The following MECOM variants were observed in gnomAD, a reference collection of about 807,000 sequenced individuals.
The protein encoded by MECOM is MDS1 and EVI1 complex locus.
Under a neutral mutation model 116.3 loss-of-function variants are expected in MECOM, and 13 were observed. The ratio of observed to expected loss-of-function variants is 0.11; its 90% CI spans 0.07 to 0.18. The LOEUF is 0.18. Ranked by LOEUF, MECOM falls within the 10% of genes least tolerant of loss-of-function variation. The pLI is 1.00. For synonymous variants in MECOM, 528 were observed against 535.2 expected (o/e 0.99, Z 0.19); for missense variants, 1,299 against 1,509.0 (o/e 0.86, Z 2.31).
At chr3:169,640,097 A>C (rs1475001319) in intron 1 of MECOM, among the ~76,000 whole-genome samples, 1 of 152,212 alleles carries the variant, frequency 6.6e-6, no homozygotes, top group Non-Finnish European at 1.5e-5. Context: ...AGTCACAGAG[A>C]TAATTCTTTA....
intron 8 of MECOM, among the ~76,000 whole-genome samples, 180 bp from the exon 9 acceptor site, chr3:169,113,054 T>C (rs894514203): frequency 3.9e-5 from 6 of 152,070 alleles, no homozygotes; most frequent in South Asian, 2.1e-4. Flanking sequence ...TTCTAGGTGC[T>C]TAAGAAGAAA....
intron 1 of MECOM, among the ~76,000 whole-genome samples, chr3:169,571,835 A>C (rs1267894501): frequency 6.6e-6 from 1 of 152,228 alleles, no homozygotes; most frequent in Non-Finnish European, 1.5e-5. Flanking sequence ...ATACAAAATT[A>C]ACTAAAGATG....
chr3:169,409,956 A>G (rs1737282250), intron 1 of MECOM, among the ~76,000 whole-genome samples: 1 of 152,230 alleles, frequency 6.6e-6, no homozygotes, highest in African/African-American at 2.4e-5. Flanking sequence ...GGATATAGAC[A>G]AATTCAGATA....
chr3:169,107,827 G>T, intron 10 of MECOM, 99 bp downstream of exon 10: 1 of 914,220 alleles, frequency 1.1e-6, no homozygotes, highest in Non-Finnish European at 1.7e-6. Flanking sequence ...AATGGAAAGG[G>T]GTTCAGAATT....
chr3:169,498,644 G>A (rs567119122), intron 1 of MECOM, among the ~76,000 whole-genome samples: 4 of 152,284 alleles, frequency 2.6e-5, no homozygotes, highest in Non-Finnish European at 5.9e-5. Context: ...GGCAACTGCT[G>A]AATTACCATA....
rs1193532306 is a variant in MECOM at position 169,131,449 on chromosome 3, G to A, written c.593C>T (p.Thr198Ile). 6.2e-7 allele frequency: 1 copy of A among 1,613,950 alleles called. No individual in the cohort carries two copies. Among genetic ancestry groups the A allele is most frequent in the East Asian group, 2.2e-5 (1 of 44,892 alleles). ...FMKSEDYPHE[T>I]MAPDIHEERQ... ...CTAACCGTGGATATCCGGCGCCATA[G>A]TTTCATGGGGATAGTCTTCGCTCTT... Residue 198 changes from threonine (T) to isoleucine (I), a missense_variant, in exon 4 of 17, where the codon ACT becomes ATT. Thr to Ile is a moderately conservative substitution (Grantham distance 89, BLOSUM62 -1). Transcript: ENST00000651503.
At chr3:169,430,593 A>C (rs1364090705) in intron 1 of MECOM, among the ~76,000 whole-genome samples, 1 of 152,162 alleles carries the variant, frequency 6.6e-6, no homozygotes, top group African/African-American at 2.4e-5. Context: ...TAAGGAGAAA[A>C]AGGCCTCCCG....
At chr3:169,172,407 ATGTGTGTGTGTGTGTGTGTGTG>A in intron 2 of MECOM, among the ~76,000 whole-genome samples, 1 of 144,470 alleles carries the variant, frequency 6.9e-6, no homozygotes, top group Non-Finnish European at 1.5e-5. Flanking sequence ...GTACCCTTGT[ATGTGTGTGTGTGTGTGTGTGTG>A]TGTGTGTGTG....
chr3:169,110,936 T>C (rs1038596484), intron 9 of MECOM, among the ~76,000 whole-genome samples: 1 of 152,178 alleles, frequency 6.6e-6, no homozygotes, highest in Admixed American at 6.5e-5. Context: ...GCCTCATCTT[T>C]TGTGATCCTT....
At chr3:169,576,217 T>A (rs187702132) in intron 1 of MECOM, among the ~76,000 whole-genome samples, 2 of 152,168 alleles carry the variant, frequency 1.3e-5, no homozygotes, top group African/African-American at 4.8e-5. Flanking sequence ...TAAAACAGTA[T>A]GTCATTCCTT....
chr3:169,439,998 T>A (rs968561175), intron 1 of MECOM, among the ~76,000 whole-genome samples: 1 of 151,818 alleles, frequency 6.6e-6, no homozygotes, highest in African/African-American at 2.4e-5. Context: ...ACATAAGCAA[T>A]AAAACCATTT....
At chr3:169,340,842 T>A (rs76497660) in intron 2 of MECOM, among the ~76,000 whole-genome samples, 2,682 of 152,298 alleles carry the variant, frequency 0.018, 63 homozygotes, top group East Asian at 0.1. Flanking sequence ...GTATTCTTCA[T>A]AATCATAAAA....
At chr3:169,371,745 T>C (rs1177809542) in intron 2 of MECOM, among the ~76,000 whole-genome samples, 1 of 151,978 alleles carries the variant, frequency 6.6e-6, no homozygotes, top group African/African-American at 2.4e-5. Flanking sequence ...CTCAAATTAT[T>C]TCATTCTTCT....
chr3:169,436,783 A>C (rs1265824966), intron 1 of MECOM, among the ~76,000 whole-genome samples: 1 of 152,182 alleles, frequency 6.6e-6, no homozygotes, highest in Non-Finnish European at 1.5e-5. Flanking sequence ...ATTGAAAAAC[A>C]AATATGACTC....
intron 1 of MECOM, among the ~76,000 whole-genome samples, chr3:169,442,186 A>G (rs1172440971): frequency 6.6e-6 from 1 of 151,994 alleles, no homozygotes; most frequent in African/African-American, 2.4e-5. Flanking sequence ...TCAGCCTCCA[A>G]AAGTGCTGGG....
chr3:169,210,253 A>G (rs982048532), intron 2 of MECOM, among the ~76,000 whole-genome samples: 4 of 152,134 alleles, frequency 2.6e-5, no homozygotes, highest in African/African-American at 4.8e-5. Context: ...AACCTAGATG[A>G]TGGGTTGATA....
Position 169,085,004 on chromosome 3 carries a change from G to A in MECOM, c.3625C>T (p.Leu1209Phe), listed in dbSNP as rs1175369028. Residue 1209 changes from leucine to phenylalanine, a missense_variant, in exon 17 of 17, where the codon CTC becomes TTC. Physicochemically the swap from Leu to Phe is conservative, Grantham distance 22 (BLOSUM62 0). Transcript: ENST00000651503. ...GAAGAACTGTGGGATGTAGAATGGAGGGACTCCTTGTCAGACAGTGACAGC... is the reference window on the plus strand; with the variant it reads ...GAAGAACTGTGGGATGTAGAATGGAAGGACTCCTTGTCAGACAGTGACAGC... ...MMLSLSDKES[L>F]HSTSHSSSNV... 7 of 1,614,024 alleles carry A rather than the reference G, an allele frequency of 4.3e-6. No homozygotes were observed. The African/African-American group carries it at 9.3e-5, about 22-fold the overall frequency.
intron 1 of MECOM, among the ~76,000 whole-genome samples, chr3:169,425,199 T>C (rs1446522263): frequency 1.3e-5 from 2 of 151,904 alleles, no homozygotes; most frequent in Admixed American, 1.3e-4. Flanking sequence ...CAGAGGACCT[T>C]GGAGCACTTT....
At position 169,246,527 on chromosome 3, in the gene MECOM, CTT is replaced by C. The variant is rs11454849; in HGVS notation, c.376-102697_376-102696del. Reference sequence around the variant, plus strand: ...TATCAACTGAAACAGTACACATACACTTTTTTTTTTTTTTTTTTTGAGACGGA... The same window carrying C: ...TATCAACTGAAACAGTACACATACACTTTTTTTTTTTTTTTTTGAGACGGA... On this transcript the variant is annotated intron_variant, in intron 2 of 16. Transcript: ENST00000651503. Among the ~76,000 whole-genome samples the C allele has an allele frequency of 1.5e-3, 199 of 131,314 alleles. 1 individual carries two copies. Among genetic ancestry groups the C allele is most frequent in the African/African-American group, 5.2e-3 (181 of 34,988 alleles). 86.1% of individuals were successfully genotyped at this position (131,314 alleles called of 152,430 possible).
Sources: gnomAD v4.1 joint callset for allele counts (sites outside exome capture counted in the v4.1 genomes callset) on GRCh38, gnomAD v4.1.1 for gene constraint, MANE v1.5 for transcripts, NCBI Gene and HGNC (gene_info 2026-07-23, HGNC 2026-07-21) for gene names.